LARGE1: variants seen among roughly 807,000 people sequenced by gnomAD.
LARGE1 encodes the protein LARGE xylosyl- and glucuronyltransferase 1.
LARGE1 carries 43 observed loss-of-function variants against 87.6 expected under a neutral mutation model. The ratio of observed to expected loss-of-function variants is 0.49; its 90% CI spans 0.38 to 0.63. The LOEUF (loss-of-function observed/expected upper bound fraction) is 0.63. Ranked by LOEUF, LARGE1 falls within the 30% of genes least tolerant of loss-of-function variation. The pLI is 0.00. For synonymous variants in LARGE1, 434 were observed against 394.6 expected (o/e 1.10, Z -1.18); for missense variants, 802 against 1,000.2 (o/e 0.80, Z 2.67).
At chr22:33,846,524 G>A (rs936174124) in intron 1 of LARGE1, among the ~76,000 whole-genome samples, 1 of 152,178 alleles carries the variant, frequency 6.6e-6, no homozygotes, top group Non-Finnish European at 1.5e-5. Context: ...CAGGATAACA[G>A]CAATTGTTCA....
the LARGE1 span, among the ~76,000 whole-genome samples, chr22:33,141,212 A>T: frequency 2.7e-4 from 41 of 152,016 alleles, no homozygotes; most frequent in African/African-American, 8.4e-4. Context: ...ACACACACAC[A>T]CACACACACA....
intron 1 of LARGE1, among the ~76,000 whole-genome samples, chr22:33,831,431 G>C (rs982226584): frequency 6.6e-6 from 1 of 152,158 alleles, no homozygotes; most frequent in African/African-American, 2.4e-5. Context: ...TGGAGAGCTG[G>C]AAGATGTCAG....
chr22:33,338,398 C>T (rs1456625162), intron 9 of LARGE1, among the ~76,000 whole-genome samples: 1 of 152,142 alleles, frequency 6.6e-6, no homozygotes. Flanking sequence ...GTGATGCTGC[C>T]TCTGGAATCG....
At chr22:33,269,685 T>C (rs979461472), downstream of LARGE1, among the ~76,000 whole-genome samples, 11 of 152,126 alleles carry the variant, frequency 7.2e-5, no homozygotes, top group Admixed American at 6.5e-4. Flanking sequence ...CTGACATTTT[T>C]TCATTCCAGA....
chr22:33,695,916 TATTG>T (rs1290714786), intron 2 of LARGE1, among the ~76,000 whole-genome samples: 3 of 152,298 alleles, frequency 2.0e-5, no homozygotes, highest in African/African-American at 7.2e-5. Context: ...GGCAATCCCT[TATTG>T]ATTAAGCTTT....
intron 10 of LARGE1, among the ~76,000 whole-genome samples, chr22:33,337,299 T>C (rs2146564891): frequency 6.6e-6 from 1 of 152,292 alleles, no homozygotes; most frequent in African/African-American, 2.4e-5. Flanking sequence ...GGGTCTCCCA[T>C]GTGGGTATCA....
intron 5 of LARGE1, among the ~76,000 whole-genome samples, chr22:33,566,587 T>C (rs2078032741): frequency 6.6e-6 from 1 of 152,148 alleles, no homozygotes; most frequent in African/African-American, 2.4e-5. Flanking sequence ...AGCAGCAAGA[T>C]TTACTGTGAA....
intron 7 of LARGE1, among the ~76,000 whole-genome samples, chr22:33,428,563 T>C (rs1351456064): frequency 1.3e-5 from 2 of 150,158 alleles, no homozygotes; most frequent in Non-Finnish European, 3.0e-5. Flanking sequence ...TCCACCCACC[T>C]CGGCCTCCCA....
At chr22:33,622,691 A>C (rs1438318711) in intron 4 of LARGE1, among the ~76,000 whole-genome samples, 1 of 152,190 alleles carries the variant, frequency 6.6e-6, no homozygotes, top group African/African-American at 2.4e-5. Context: ...GTAAGCCCCC[A>C]GTTAAACCCA....
the LARGE1 span, among the ~76,000 whole-genome samples, chr22:33,080,363 G>A: frequency 1.4e-4 from 22 of 152,274 alleles, no homozygotes; most frequent in African/African-American, 2.4e-4. Flanking sequence ...TTTCTCACTC[G>A]TGCTCTTTGT....
chr22:33,656,721 G>C (rs1251243192), intron 2 of LARGE1, among the ~76,000 whole-genome samples: 1 of 150,894 alleles, frequency 6.6e-6, no homozygotes, highest in Admixed American at 6.6e-5. Flanking sequence ...TTGATCTGCG[G>C]TTCAGCCCAC....
intron 11 of LARGE1, among the ~76,000 whole-genome samples, chr22:33,204,881 AG>A (rs1269704409): frequency 6.6e-6 from 1 of 152,128 alleles, no homozygotes; most frequent in Non-Finnish European, 1.5e-5. Flanking sequence ...ACTGTCTGAA[AG>A]CAACACCAAG....
At chr22:33,098,704 T>G in the LARGE1 span, among the ~76,000 whole-genome samples, 8 of 152,208 alleles carry the variant, frequency 5.3e-5, no homozygotes, top group Non-Finnish European at 8.8e-5. Flanking sequence ...TGTGATTCAA[T>G]AGATGCAGAA....
intron 6 of LARGE1, among the ~76,000 whole-genome samples, chr22:33,465,722 C>T (rs1263312450): frequency 6.6e-6 from 1 of 152,184 alleles, no homozygotes; most frequent in African/African-American, 2.4e-5. Flanking sequence ...AGCCCTGGCA[C>T]AGACAAAGTG....
At chr22:33,070,670 G>T in the LARGE1 span, among the ~76,000 whole-genome samples, 1 of 152,176 alleles carries the variant, frequency 6.6e-6, no homozygotes, top group Non-Finnish European at 1.5e-5. Context: ...GTACTGTGCA[G>T]GGGGCGGGAC....
chr22:33,109,464 T>A, the LARGE1 span, among the ~76,000 whole-genome samples: 2 of 152,140 alleles, frequency 1.3e-5, no homozygotes, highest in African/African-American at 4.8e-5. Context: ...TAGCTGGGAC[T>A]GCAGGCATGC....
chr22:33,837,293 T>C (rs1302870590), intron 1 of LARGE1, among the ~76,000 whole-genome samples: 1 of 149,492 alleles, frequency 6.7e-6, no homozygotes, highest in Non-Finnish European at 1.5e-5. Flanking sequence ...TATACATACA[T>C]ACATATGTGT....
At chr22:33,827,502 T>C (rs1015692267) in intron 1 of LARGE1, among the ~76,000 whole-genome samples, 3 of 152,116 alleles carry the variant, frequency 2.0e-5, no homozygotes, top group Non-Finnish European at 4.4e-5. Flanking sequence ...AGGGATATAA[T>C]GTACATTTAA....
intron 2 of LARGE1, among the ~76,000 whole-genome samples, chr22:33,713,446 G>A (rs1350719978): frequency 6.6e-6 from 1 of 152,138 alleles, no homozygotes; most frequent in African/African-American, 2.4e-5. Context: ...ATCAATCACA[G>A]CTCAGGATTC....
Sources: allele counts gnomAD v4.1 joint callset (sites outside exome capture counted in the v4.1 genomes callset), GRCh38; gene constraint gnomAD v4.1.1; transcripts MANE v1.5; gene names NCBI Gene and HGNC (gene_info 2026-07-23, HGNC 2026-07-21).